DPP8: variants seen among roughly 807,000 people sequenced by gnomAD.
The protein encoded by DPP8 is dipeptidyl peptidase 8.
In DPP8, 31 loss-of-function variants were observed where a neutral mutation model predicts 107.5. The observed-to-expected ratio is 0.29, with a 90% CI of 0.22 to 0.39. The LOEUF is 0.39. Among genes scored for constraint, DPP8 ranks in the 10% least tolerant of loss-of-function variants. The pLI is 1.00. For synonymous variants in DPP8, 381 were observed against 356.6 expected, an observed-to-expected ratio of 1.07 and a Z score of -0.77; for missense variants, 842 against 1,076.1, an observed-to-expected ratio of 0.78 and a Z score of 3.04.
intron 3 of DPP8, 79 bp downstream of exon 3, chr15:65,507,164 T>C (rs951310018): frequency 1.9e-5 from 14 of 746,798 alleles, no homozygotes; most frequent in South Asian, 1.3e-4. Flanking sequence ...CTACTTCAAA[T>C]ATAAAATCCC....
chr15:65,466,803 A>C lies in DPP8; in HGVS notation c.1700T>G (p.Phe567Cys). The change falls in exon 14 of 20, where the codon TTC (phenylalanine) becomes TGC (cysteine). Residue 567 changes from phenylalanine (F) to cysteine (C), a missense_variant. By Grantham distance (205) the Phe-to-Cys change is radical. This residue lies in a region of DPP8 where 663 missense variants were observed against 758.0 expected (regional missense o/e 0.87). Transcript: ENST00000300141. Reference sequence around the variant, plus strand: ...CTGGTTACTATACTTACTTATAAAGAAGTCACAGTGCTAGAGAAAGGAGAA... The same window carrying C: ...CTGGTTACTATACTTACTTATAAAGCAGTCACAGTGCTAGAGAAAGGAGAA... ...HSCCISQHCD[F>C]FISKYSNQKN... 6.2e-7 allele frequency: 1 copy of C among 1,613,058 alleles called. No individual in the cohort carries two copies. The highest frequency in any genetic ancestry group is 8.5e-7 in the Non-Finnish European group (1 of 1,179,678).
At chr15:65,462,816 T>G (rs546028909) in intron 15 of DPP8, among the ~76,000 whole-genome samples, 1 of 152,216 alleles carries the variant, frequency 6.6e-6, no homozygotes, top group South Asian at 2.1e-4. Flanking sequence ...CCTGACCTTG[T>G]GATCTGCCCA....
In DPP8 at chr15:65,443,021, G is replaced by A. The variant is rs2063351784; in HGVS notation, c.*3863C>T. ...TCCTCAAATCCTCCACTATACCAAG[G>A]AAGACACATTTAGTGCAATGAGTTT... On this transcript the variant is annotated 3_prime_UTR_variant, in exon 20 of 20. Transcript: ENST00000300141. 1 of 152,094 alleles carries A rather than the reference G, an allele frequency of 6.6e-6. No homozygotes were observed. Among genetic ancestry groups the A allele is most frequent in the Non-Finnish European group, 1.5e-5 (1 of 68,020 alleles). 9.4% of individuals were successfully genotyped at this position (152,094 alleles called of 1,614,324 possible).
At chr15:65,508,177 T>C (rs370168339) in intron 2 of DPP8, among the ~76,000 whole-genome samples, 2 of 150,778 alleles carry the variant, frequency 1.3e-5, no homozygotes, top group South Asian at 2.1e-4. Context: ...GAGACGGAGA[T>C]TGCAGTGAGC....
rs11009 is a variant in DPP8 at position 65,446,965 on chromosome 15, C to T, written c.2568G>A (p.Ser856=). The change falls in exon 20 of 20, where the codon TCG becomes TCA. Residue 856 remains serine (S), a synonymous_variant. Coordinates refer to ENST00000300141, the MANE Select transcript of DPP8 (RefSeq NM_130434.5). ...QERHSIRVPE[S]GEHYELHLLH... is the part of the protein sequence containing the mutation. ...AAAGATGCAGTTCATAATGTTCTCCCGATTCAGGAACTCTTATGCTGTGTC... is the reference window on the plus strand; with the variant it reads ...AAAGATGCAGTTCATAATGTTCTCCTGATTCAGGAACTCTTATGCTGTGTC... 164 of 1,611,338 alleles carry T rather than the reference C, an allele frequency of 1.0e-4. No individual in the cohort carries two copies. In the East Asian group the frequency reaches 2.6e-3, roughly 26 times the overall value.
At chr15:65,492,018 C>G (rs1851693810) in intron 5 of DPP8, among the ~76,000 whole-genome samples, 1 of 150,064 alleles carries the variant, frequency 6.7e-6, no homozygotes, top group Non-Finnish European at 1.5e-5. Context: ...AGGCGTGAGC[C>G]ACCACGCCCG....
chr15:65,475,436 C>T, intron 11 of DPP8: 1 of 1,571,768 alleles, frequency 6.4e-7, no homozygotes, highest in Non-Finnish European at 8.7e-7. Context: ...CTTATTATGG[C>T]ATTCAGGGAG....
chr15:65,470,057 C>CATGGTG (rs1181192545), intron 12 of DPP8, among the ~76,000 whole-genome samples: 2 of 151,184 alleles, frequency 1.3e-5, no homozygotes, highest in Non-Finnish European at 2.9e-5. Context: ...ATTAGCTGGG[C>CATGGTG]ATGGTGATGG....
rs372020029 is a variant in DPP8, at chr15:65,446,905, A to G, written c.2628T>C (p.Ile876=). The change falls in exon 20 of 20, where the codon ATT becomes ATC. Residue 876 remains isoleucine, a synonymous_variant. Coordinates refer to ENST00000300141, the MANE Select transcript of DPP8 (RefSeq NM_130434.5). The part of the protein sequence containing the change: ...HYLQENLGSR[I]AALKVI ...AAAATTATATCACTTTTAGAGCAGC[A>G]ATACGTGATCCAAGGTTTTCTTGAA... 1.4e-3 allele frequency: 2,231 copies of G among 1,612,632 alleles called. 49 individuals carry two copies. In the South Asian group the frequency reaches 0.023, roughly 17 times the overall value.
chr15:65,460,244 C>T (rs1026097801), intron 15 of DPP8, among the ~76,000 whole-genome samples: 12 of 151,948 alleles, frequency 7.9e-5, no homozygotes, highest in African/African-American at 2.9e-4. Context: ...GAGTTCGAGA[C>T]CAGCCTGGCT....
At chr15:65,499,739 A>AT (rs1256848718) in intron 4 of DPP8, among the ~76,000 whole-genome samples, 11 of 148,204 alleles carry the variant, frequency 7.4e-5, no homozygotes, top group African/African-American at 2.7e-4. Context: ...TAATTTTTGC[A>AT]TTTTTTGTAG....
intron 7 of DPP8, among the ~76,000 whole-genome samples, chr15:65,486,019 G>A (rs533442060): frequency 3.3e-5 from 5 of 151,432 alleles, no homozygotes; most frequent in African/African-American, 1.2e-4. Context: ...GCTTGAACTC[G>A]GGAGGCAGAG....
At chr15:65,466,463 C>G (rs1024481805) in intron 14 of DPP8, among the ~76,000 whole-genome samples, 1 of 152,052 alleles carries the variant, frequency 6.6e-6, no homozygotes, top group African/African-American at 2.4e-5. Flanking sequence ...AAAAGGCCTT[C>G]CAGACTTGCT....
intron 2 of DPP8, among the ~76,000 whole-genome samples, chr15:65,508,155 G>C (rs1314509394): frequency 2.0e-5 from 3 of 151,652 alleles, no homozygotes; most frequent in African/African-American, 7.3e-5. Flanking sequence ...CAGGAGAATT[G>C]CTTGAACCCA....
At chr15:65,512,636 CAA>C in intron 1 of DPP8, 72 bp from the exon 2 acceptor site, 2 of 1,410,000 alleles carry the variant, frequency 1.4e-6, no homozygotes, top group South Asian at 1.4e-5. Context: ...CTGAGAGGGT[CAA>C]AAAAAAAGCG....
chr15:65,464,413 G>C (rs2065170416), intron 14 of DPP8, among the ~76,000 whole-genome samples: 1 of 151,968 alleles, frequency 6.6e-6, no homozygotes, highest in African/African-American at 2.4e-5. Context: ...CAGGCACGGT[G>C]GCTCACACCT....
chr15:65,490,135 G>T, intron 6 of DPP8, 54 bp downstream of exon 6: 1 of 922,480 alleles, frequency 1.1e-6, no homozygotes, highest in South Asian at 1.3e-5. Flanking sequence ...AATGACAGTT[G>T]AATCTTAACA....
chr15:65,498,072 G>C, intron 4 of DPP8, 40 bp from the exon 5 acceptor site: 1 of 1,438,638 alleles, frequency 7.0e-7, no homozygotes, highest in Non-Finnish European at 9.5e-7. Context: ...GTATTAGGCT[G>C]ACACATACAT....
chr15:65,487,628 C>T (rs1362823458), intron 7 of DPP8, 62 bp downstream of exon 7: 20 of 1,533,174 alleles, frequency 1.3e-5, no homozygotes, highest in Admixed American at 3.9e-5. Flanking sequence ...TGGATGACTA[C>T]AGAAAGAATC....
Sources: allele counts gnomAD v4.1 joint callset (sites outside exome capture counted in the v4.1 genomes callset), GRCh38; gene constraint gnomAD v4.1.1; regional missense constraint gnomAD v4.1.1; transcripts MANE v1.5; gene names NCBI Gene and HGNC (gene_info 2026-07-23, HGNC 2026-07-21).